Variants in PCLO observed in about 807,000 individuals in gnomAD.
PCLO encodes piccolo presynaptic cytomatrix protein, also known as protein piccolo.
PCLO carries 82 observed loss-of-function variants against 427.5 expected under a neutral mutation model. The ratio of observed to expected loss-of-function variants is 0.19; its 90% confidence interval spans 0.16 to 0.23. The LOEUF (loss-of-function observed/expected upper bound fraction) is 0.23. PCLO is among the 10% of genes least tolerant of loss of function. PCLO has a pLI of 1.00. For missense variants in PCLO, 6,239 were observed against 6,115.9 expected (o/e 1.02, Z -0.67); for synonymous variants, 2,357 against 2,155.4 (o/e 1.09, Z -2.59).
At chr7:82,911,744 T>G (rs967070920) in intron 7 of PCLO, among the ~76,000 whole-genome samples, 1 of 151,996 alleles carries the variant, frequency 6.6e-6, no homozygotes, top group Non-Finnish European at 1.5e-5. Context: ...TGCCTCAGGC[T>G]CCCAAGTAGC....
intron 8 of PCLO, among the ~76,000 whole-genome samples, chr7:82,905,619 T>C (rs1321545930): frequency 6.6e-6 from 1 of 151,510 alleles, no homozygotes; most frequent in Admixed American, 6.6e-5. Flanking sequence ...GTCAGGGGAG[T>C]CTTCTTGCAT....
intron 20 of PCLO, among the ~76,000 whole-genome samples, chr7:82,811,237 T>A (rs1791562684): frequency 1.3e-5 from 2 of 150,912 alleles, no homozygotes; most frequent in Admixed American, 1.3e-4. Context: ...AATAACTACC[T>A]AGCAGTTTTA....
intron 8 of PCLO, among the ~76,000 whole-genome samples, chr7:82,908,464 C>T (rs912075156): frequency 5.9e-5 from 9 of 152,114 alleles, no homozygotes; most frequent in Non-Finnish European, 1.3e-4. Context: ...AGCGTTCTTT[C>T]TATCCCAGCT....
intron 2 of PCLO, among the ~76,000 whole-genome samples, chr7:83,153,448 C>T (rs940447816): frequency 2.6e-5 from 4 of 152,084 alleles, no homozygotes; most frequent in Admixed American, 2.0e-4. Context: ...TCCACATTAA[C>T]ATAAATTACC....
chr7:83,072,128 T>C (rs776596935), intron 3 of PCLO, among the ~76,000 whole-genome samples: 1 of 152,076 alleles, frequency 6.6e-6, no homozygotes, highest in South Asian at 2.1e-4. Flanking sequence ...TAGATTCTTA[T>C]AATAGTTACA....
intron 3 of PCLO, among the ~76,000 whole-genome samples, chr7:83,005,279 C>T (rs1787919159): frequency 6.6e-6 from 1 of 151,318 alleles, no homozygotes; most frequent in African/African-American, 2.4e-5. Flanking sequence ...CATGGATAAA[C>T]CTAAAAGACA....
In PCLO at chr7:82,915,268, C is replaced by A. The variant is rs1362199589; in HGVS notation, c.12718G>T (p.Asp4240Tyr). Residue 4240 changes from aspartate (D) to tyrosine (Y), a missense_variant, in exon 7 of 25, where the codon GAC (aspartate) becomes TAC (tyrosine). Asp to Tyr is a radical substitution (Grantham distance 160). Transcript: ENST00000333891. ...ISSRARLLQDDITFGLRKNIT... is the reference protein window; with the variant it reads ...ISSRARLLQDYITFGLRKNIT... ...TTTTTTCTGAGGCCAAAAGTGATGTCATCTTGAAGGAGCCTTGCCCTGGAG... is the reference window on the plus strand; with the variant it reads ...TTTTTTCTGAGGCCAAAAGTGATGTAATCTTGAAGGAGCCTTGCCCTGGAG... 1 of 1,613,414 alleles carries A rather than the reference C, an allele frequency of 6.2e-7. No homozygotes were observed. Among genetic ancestry groups the A allele is most frequent in the African/African-American group, 1.3e-5 (1 of 74,878 alleles).
chr7:83,131,809 A>G (rs762401764), intron 3 of PCLO, among the ~76,000 whole-genome samples: 2 of 152,010 alleles, frequency 1.3e-5, no homozygotes, highest in Non-Finnish European at 2.9e-5. Context: ...CTGGGAGGAG[A>G]TGCTTTCCTA....
intron 3 of PCLO, among the ~76,000 whole-genome samples, chr7:83,108,808 G>T (rs1296254899): frequency 6.6e-6 from 1 of 151,774 alleles, no homozygotes; most frequent in Non-Finnish European, 1.5e-5. Context: ...CATTCTAATG[G>T]TAATAGTAAT....
chr7:82,888,989 G>T (rs1355952114), intron 9 of PCLO, among the ~76,000 whole-genome samples: 1 of 124,122 alleles, frequency 8.1e-6, no homozygotes, highest in East Asian at 2.7e-4. Context: ...TGATGTATCA[G>T]GTCCCCTTGC....
At chr7:83,125,885 T>A (rs2116583287) in intron 3 of PCLO, among the ~76,000 whole-genome samples, 1 of 150,998 alleles carries the variant, frequency 6.6e-6, no homozygotes, top group South Asian at 2.1e-4. Context: ...GATCAATAAA[T>A]ACTAAAAAAA....
At chr7:83,004,532 T>TA (rs1235879687) in intron 3 of PCLO, among the ~76,000 whole-genome samples, 24 of 151,674 alleles carry the variant, frequency 1.6e-4, no homozygotes, top group African/African-American at 5.8e-4. Context: ...ATTAAAGACT[T>TA]AAACATAAAG....
chr7:83,007,513 G>A (rs1013349384), intron 3 of PCLO, among the ~76,000 whole-genome samples: 16 of 151,424 alleles, frequency 1.1e-4, no homozygotes, highest in Non-Finnish European at 1.9e-4. Flanking sequence ...TCCAATAATA[G>A]GGAATCACTT....
intron 22 of PCLO, among the ~76,000 whole-genome samples, chr7:82,780,012 C>G (rs1012715209): frequency 3.3e-5 from 5 of 152,028 alleles, no homozygotes; most frequent in Non-Finnish European, 7.4e-5. Flanking sequence ...AACAGTTGTT[C>G]TACAATAGAA....
At chr7:82,993,749 T>A (rs1796433272) in intron 3 of PCLO, among the ~76,000 whole-genome samples, 1 of 152,064 alleles carries the variant, frequency 6.6e-6, no homozygotes, top group African/African-American at 2.4e-5. Flanking sequence ...TGTGTTGGTG[T>A]GGAACTAAAC....
intron 3 of PCLO, among the ~76,000 whole-genome samples, chr7:83,119,736 C>T (rs1735465302): frequency 6.6e-6 from 1 of 151,114 alleles, no homozygotes; most frequent in Admixed American, 6.6e-5. Flanking sequence ...GATATGCAAC[C>T]TTTCAGACGG....
At chr7:82,860,685 T>C (rs187002388) in intron 10 of PCLO, among the ~76,000 whole-genome samples, 1 of 152,122 alleles carries the variant, frequency 6.6e-6, no homozygotes, top group African/African-American at 2.4e-5. Context: ...GTAACTGTAG[T>C]TTGTAAACTA....
chr7:83,152,004 G>A (rs550484071), intron 2 of PCLO, among the ~76,000 whole-genome samples: 7 of 147,924 alleles, frequency 4.7e-5, no homozygotes, highest in Middle Eastern at 3.4e-3. Context: ...TTGCTCTGTT[G>A]CCCAGGCTGG....
At chr7:82,999,338 T>TTTTTTTAA (rs1787720478) in intron 3 of PCLO, among the ~76,000 whole-genome samples, 2 of 133,114 alleles carry the variant, frequency 1.5e-5, no homozygotes, top group Admixed American at 7.7e-5. Flanking sequence ...AATATATCCA[T>TTTTTTTAA]ATATATTTAA....
Sources: allele counts gnomAD v4.1 joint callset (sites outside exome capture counted in the v4.1 genomes callset), GRCh38; gene constraint gnomAD v4.1.1; transcripts MANE v1.5; gene names NCBI Gene and HGNC (gene_info 2026-07-23, HGNC 2026-07-21).